The following ANKRD24 variants were observed in gnomAD, a reference collection of about 807,000 sequenced individuals.
ANKRD24 encodes ankyrin repeat domain-containing protein 24.
ANKRD24 carries 109 observed loss-of-function variants against 127.8 expected under a neutral mutation model. The ratio of observed to expected loss-of-function variants is 0.85; its 90% CI spans 0.73 to 1.00. The LOEUF is 1.00. Ranked by LOEUF, ANKRD24 falls within the 50% of genes least tolerant of loss-of-function variation. The probability of loss-of-function intolerance (pLI) is 0.00; values close to 1 mark genes in which losing one functional copy is unlikely to be tolerated. For missense variants in ANKRD24, 1,648 were observed against 1,570.2 expected (o/e 1.05, Z -0.84); for synonymous variants, 743 against 671.1 (o/e 1.11, Z -1.66).
At chr19:4,202,772 C>T in intron 6 of ANKRD24, 97 bp from the exon 7 acceptor site, 1 of 1,315,234 alleles carries the variant, frequency 7.6e-7, no homozygotes, top group Non-Finnish European at 1.1e-6. Flanking sequence ...AAGGGTGAGG[C>T]TGAAGTATAG....
At chr19:4,211,566 C>G (rs11881074) in intron 13 of ANKRD24, among the ~76,000 whole-genome samples, 2 of 151,964 alleles carry the variant, frequency 1.3e-5, no homozygotes, top group Non-Finnish European at 2.9e-5. Context: ...ATTGCTTGAA[C>G]CCGGGAGGCA....
Position 4,207,774 on chromosome 19 carries a change from CT to C in ANKRD24, c.645-6del, listed in dbSNP as rs1969476344. ...CTCATCTCCTCAGTAGCCCCCTCCC[CT>C]GGTAGGACGGCCCTGATGCTGGCCT... On this transcript the variant is annotated splice_polypyrimidine_tract_variant and splice_region_variant and intron_variant, in intron 9 of 21. Transcript: ENST00000318934. The C allele has an allele frequency of 6.4e-7, 1 of 1,569,516 alleles. No homozygotes were observed. The highest frequency in any genetic ancestry group is 8.6e-7 in the Non-Finnish European group (1 of 1,156,694).
At position 4,200,109 on chromosome 19, in the gene ANKRD24, CG is replaced by C; in HGVS notation, c.283del (p.Ala95ProfsTer6). Reference protein sequence around the residue: ...SAFHLAAMRGAASCLEVMIAH... With the variant: ...SAFHLAAMRGXASCLEVMIAH... Reference sequence around the variant, plus strand: ...TTCCACCTGGCGGCCATGCGGGGTGCGGCCAGCTGTCTGGAGGTGATGATAG... The same window carrying C: ...TTCCACCTGGCGGCCATGCGGGGTGCGCCAGCTGTCTGGAGGTGATGATAG... On this transcript the variant is annotated frameshift_variant, in exon 5 of 22. Transcript: ENST00000318934. LOFTEE classifies it high-confidence loss of function. 1.2e-6 allele frequency: 2 copies of C among 1,602,818 alleles called. No homozygotes were observed. Among genetic ancestry groups the C allele is most frequent in the Non-Finnish European group, 1.7e-6 (2 of 1,174,946 alleles).
intron 1 of ANKRD24, among the ~76,000 whole-genome samples, chr19:4,184,268 G>C (rs1005225089): frequency 1.4e-4 from 21 of 152,322 alleles, no homozygotes; most frequent in Admixed American, 7.8e-4. Context: ...CCGGCAGTGG[G>C]CACTGTGGCC....
chr19:4,210,088 GC>G lies in ANKRD24; in HGVS notation c.906del (p.Lys303ArgfsTer25). On this transcript the variant is annotated frameshift_variant, in exon 12 of 22. Coordinates refer to ENST00000318934, the MANE Select transcript of ANKRD24 (RefSeq NM_001393985.1). LOFTEE classifies it high-confidence loss of function. ...TATGTCCAGCCATGGAAAGCAGGGG[GC>G]CCCCAAGAAGCGGAAGGCGCCTCCA... ...NSMSSHGKQG[A>X]PKKRKAPPPP... The G allele has an allele frequency of 6.2e-7, 1 of 1,612,484 alleles. No individual in the cohort carries two copies. Among genetic ancestry groups the G allele is most frequent in the Non-Finnish European group, 8.5e-7 (1 of 1,179,444 alleles).
At position 4,218,283 on chromosome 19, in the gene ANKRD24, TTTTATTTA is replaced by T. The variant is rs138297941; in HGVS notation, c.3003+144_3003+151del. Reference sequence around the variant, plus strand: ...GTTTTACTTGAACAGACCTACTTTATTTTATTTATTTATTTATTTATTTATTTATTTTT... The same window carrying T: ...GTTTTACTTGAACAGACCTACTTTATTTTATTTATTTATTTATTTATTTTT... On this transcript the variant is annotated intron_variant, in intron 18 of 21. Transcript: ENST00000318934. The T allele has an allele frequency of 4.9e-5, 32 of 658,840 alleles. No individual in the cohort carries two copies. In the Admixed American group the frequency reaches 4.9e-4, roughly 10 times the overall value. 40.8% of individuals were successfully genotyped at this position (658,840 alleles called of 1,614,324 possible).
rs1239922184 is a variant in ANKRD24, at chr19:4,217,875, C to G, written c.2715C>G (p.Ala905=). 2.0e-6 allele frequency: 3 copies of G among 1,465,152 alleles called. No individual in the cohort carries two copies. The highest frequency in any genetic ancestry group is 2.7e-6 in the Non-Finnish European group (3 of 1,115,572). The allele number at this position is 1,465,152 out of a possible 1,614,324, so 90.8% of individuals were successfully genotyped here. ...ARQGLAELRE[A]SEALRQSVVP... ...AGGGCCTGGCCGAGCTGCGGGAGGC[C>G]TCCGAGGCCCTCCGCCAGTCCGTGG... The change falls in exon 18 of 22, where the codon GCC becomes GCG. Residue 905 remains alanine (A), a synonymous_variant. Transcript: ENST00000318934.
chr19:4,185,777 A>G (rs1168835578), intron 1 of ANKRD24, among the ~76,000 whole-genome samples: 2 of 152,206 alleles, frequency 1.3e-5, no homozygotes, highest in Non-Finnish European at 2.9e-5. Flanking sequence ...TTCAGTCCCC[A>G]GGGAGCCCCT....
chr19:4,216,839 A>T lies in ANKRD24; in HGVS notation c.1679A>T (p.Glu560Val). The change falls in exon 18 of 22, where the codon GAG (glutamate) becomes GTG (valine). Residue 560 changes from glutamate to valine, a missense_variant. Coordinates refer to ENST00000318934, the MANE Select transcript of ANKRD24 (RefSeq NM_001393985.1). ...CCAGAAACCAAAGTTAACGGAGCCG[A>T]GACCATAGATGAGGAGGCTGCAGGA... is the stretch of plus-strand genomic sequence containing the variant. ...VAPETKVNGA[E>V]TIDEEAAGDE... is the part of the protein sequence containing the mutation. 6 of 1,610,552 alleles carry T rather than the reference A, an allele frequency of 3.7e-6. No homozygotes were observed. The South Asian group carries it at 6.6e-5, about 18-fold the overall frequency.
chr19:4,212,576 CT>C (rs1450612455), intron 14 of ANKRD24, 23 bp from the exon 15 acceptor site: 1 of 1,548,502 alleles, frequency 6.5e-7, no homozygotes, highest in Non-Finnish European at 8.7e-7. Context: ...CCAGAGGCAG[CT>C]GAGCCTCCAC....
chr19:4,198,187 G>C lies in ANKRD24; in HGVS notation c.37-1496G>C. On this transcript the variant is annotated intron_variant, in intron 2 of 21. Coordinates refer to ENST00000318934, the MANE Select transcript of ANKRD24 (RefSeq NM_001393985.1). This position sits in a 1 kb window ranked among gnomAD's most constrained non-coding sequence, Gnocchi z 6.1. Reference sequence around the variant, plus strand: ...GTGAGGGAGCCGGGCCCCCGGCGCCGCGTCCTCCTCATCCTCCAGGCGACA... The same window carrying C: ...GTGAGGGAGCCGGGCCCCCGGCGCCCCGTCCTCCTCATCCTCCAGGCGACA... The C allele has an allele frequency of 1.7e-6, 1 of 572,052 alleles. No individual in the cohort carries two copies. The highest frequency in any genetic ancestry group is 2.0e-5 in the South Asian group (1 of 49,372). 35.4% of individuals were successfully genotyped at this position (572,052 alleles called of 1,614,324 possible). A position where few individuals can be genotyped will look rare whatever the true frequency, so the allele number is the denominator to read the frequency against.
intron 7 of ANKRD24, among the ~76,000 whole-genome samples, chr19:4,203,933 G>A (rs1298708818): frequency 1.4e-5 from 2 of 148,002 alleles, no homozygotes; most frequent in Non-Finnish European, 3.0e-5. Flanking sequence ...TTACAGGCGT[G>A]AGCCACCGTG....
At chr19:4,188,871 G>T (rs1334299470) in intron 2 of ANKRD24, among the ~76,000 whole-genome samples, 1 of 152,138 alleles carries the variant, frequency 6.6e-6, no homozygotes, top group East Asian at 1.9e-4. Context: ...GCAGTGGCAC[G>T]ATCTCTGCTC....
intron 11 of ANKRD24, among the ~76,000 whole-genome samples, chr19:4,209,476 G>A (rs1387609159): frequency 1.1e-4 from 16 of 150,916 alleles, no homozygotes; most frequent in African/African-American, 3.7e-4. Context: ...GAGAGATGGA[G>A]TCTCGCCCTG....
At chr19:4,190,012 A>G (rs1425429235) in intron 2 of ANKRD24, among the ~76,000 whole-genome samples, 1 of 152,190 alleles carries the variant, frequency 6.6e-6, no homozygotes, top group Non-Finnish European at 1.5e-5. Context: ...TTAACTGCCT[A>G]CAAAATGTGG....
rs761771492 is a variant in ANKRD24 at position 4,219,770 on chromosome 19, C to A, written c.3171+12C>A. 3 of 1,587,122 alleles carry A rather than the reference C, an allele frequency of 1.9e-6. No individual in the cohort carries two copies. The Admixed American group carries it at 5.3e-5, about 28-fold the overall frequency. ...AGAAGGACAAGAAGGTGGGTGCCCCCTCTCCCACACTCAGTCAGGGAGGCA... is the reference window on the plus strand; with the variant it reads ...AGAAGGACAAGAAGGTGGGTGCCCCATCTCCCACACTCAGTCAGGGAGGCA... On this transcript the variant is annotated intron_variant, in intron 19 of 21. Coordinates refer to ENST00000318934, the MANE Select transcript of ANKRD24 (RefSeq NM_001393985.1).
rs550358583 is a variant in ANKRD24 at position 4,223,030 on chromosome 19, C to G, written c.3297+235C>G. On this transcript the variant is annotated intron_variant, in intron 20 of 21. Transcript: ENST00000318934. ...GCACAATCTCAGCTCACTGCAGCCT[C>G]CACCTTCCGGGTTTAAGCAATTTTC... is the stretch of plus-strand genomic sequence containing the variant. Among the ~76,000 whole-genome samples, 41 of 152,212 alleles carry G rather than the reference C, an allele frequency of 2.7e-4. 3 individuals are homozygous for G. In the South Asian group the frequency reaches 8.3e-3, roughly 31 times the overall value.
At chr19:4,210,177 C>T in intron 12 of ANKRD24, 39 bp downstream of exon 12, 1 of 1,573,408 alleles carries the variant, frequency 6.4e-7, no homozygotes, top group Non-Finnish European at 8.6e-7. Flanking sequence ...GCATGGGGAG[C>T]CCCCAGGCAC....
chr19:4,205,002 C>T (rs190522131), intron 7 of ANKRD24, among the ~76,000 whole-genome samples: 66 of 152,320 alleles, frequency 4.3e-4, no homozygotes, highest in African/African-American at 1.5e-3. Context: ...CTTTGGGAGC[C>T]TGAGGCGGGC....
Sources: gnomAD v4.1 joint callset for allele counts (sites outside exome capture counted in the v4.1 genomes callset) on GRCh38, gnomAD v4.1.1 for gene constraint, Gnocchi (gnomAD v3.1) non-coding constraint, MANE v1.5 for transcripts, NCBI Gene and HGNC (gene_info 2026-07-23, HGNC 2026-07-21) for gene names.